The following MYLK4 variants were observed in gnomAD, a reference collection of about 807,000 sequenced individuals.
The protein encoded by MYLK4 is caMLCK like.
A neutral mutation model predicts 48.1 loss-of-function variants in MYLK4; 46 were observed. The observed-to-expected ratio is 0.96, with a 90% CI of 0.75 to 1.22. The LOEUF (loss-of-function observed/expected upper bound fraction) is 1.22. Among genes scored for constraint, MYLK4 ranks in the 50% most tolerant of loss-of-function variants. The pLI is 0.00. For missense variants in MYLK4, 451 were observed against 486.1 expected, an observed-to-expected ratio of 0.93 and a Z score of 0.68; for synonymous variants, 170 against 180.8, an observed-to-expected ratio of 0.94 and a Z score of 0.48.
At position 2,685,360 on chromosome 6, in the gene MYLK4, C is replaced by T. The variant is rs780360412; in HGVS notation, c.481G>A (p.Ala161Thr). Residue 161 changes from alanine (A) to threonine (T), a missense_variant, in exon 6 of 13, where the codon GCG becomes ACG. Ala to Thr is a moderately conservative substitution (Grantham distance 58). Transcript: ENST00000274643. The surrounding 1 kb of genome is among the most constrained non-coding windows in gnomAD (Gnocchi z 4.5). Reference protein sequence around the residue: ...EISVMNQLDHANLIQLYDAFE... With the variant: ...EISVMNQLDHTNLIQLYDAFE... ...GCATCGTACAGCTGGATGAGGTTCG[C>T]GTGGTCCAGCTGGTTCATGACGCTG... is the stretch of plus-strand genomic sequence containing the variant. 17 of 1,588,316 alleles carry T rather than the reference C, an allele frequency of 1.1e-5. No individual in the cohort carries two copies. The East Asian group carries it at 2.3e-4, about 22-fold the overall frequency.
At chr6:2,694,772 T>C (rs930309638) in intron 2 of MYLK4, among the ~76,000 whole-genome samples, 1 of 152,022 alleles carries the variant, frequency 6.6e-6, no homozygotes, top group Admixed American at 6.6e-5. Flanking sequence ...ATAGATACTA[T>C]TAGCCCCATC....
upstream of MYLK4, among the ~76,000 whole-genome samples, chr6:2,753,137 T>C (rs1249246491): frequency 3.3e-5 from 5 of 152,162 alleles, no homozygotes; most frequent in Admixed American, 3.3e-4. Context: ...CTCTAAAAAA[T>C]ACCAACATCA....
the MYLK4 span, chr6:2,768,903 C>T: frequency 3.0e-5 from 48 of 1,589,432 alleles, no homozygotes; most frequent in Middle Eastern, 4.4e-4. Context: ...TTCCTTCTAC[C>T]TTTTGGTCGT....
chr6:2,736,107 G>C (rs1370827261), intron 2 of MYLK4, among the ~76,000 whole-genome samples: 1 of 152,146 alleles, frequency 6.6e-6, no homozygotes. Context: ...TCCCTAAAAT[G>C]TTAATAATGA....
chr6:2,729,956 C>T (rs1763418160), intron 2 of MYLK4, among the ~76,000 whole-genome samples: 1 of 152,258 alleles, frequency 6.6e-6, no homozygotes. Context: ...GCTGGATTTT[C>T]TCCCTAAAGC....
At chr6:2,762,789 T>C in the MYLK4 span, among the ~76,000 whole-genome samples, 2 of 152,192 alleles carry the variant, frequency 1.3e-5, no homozygotes, top group East Asian at 1.9e-4. Context: ...AGAAATCAAC[T>C]GGCAGACCTT....
intron 2 of MYLK4, among the ~76,000 whole-genome samples, chr6:2,733,533 G>A (rs1169186711): frequency 6.6e-6 from 1 of 152,202 alleles, no homozygotes; most frequent in Non-Finnish European, 1.5e-5. Context: ...CACTCACAGA[G>A]AAGGAAGCCT....
chr6:2,728,769 C>T (rs1458640986), intron 2 of MYLK4, among the ~76,000 whole-genome samples: 1 of 152,226 alleles, frequency 6.6e-6, no homozygotes, highest in African/African-American at 2.4e-5. Context: ...TTGACTTGAT[C>T]TGTCAAACCA....
intron 12 of MYLK4, among the ~76,000 whole-genome samples, chr6:2,668,322 G>A (rs1196335340): frequency 1.3e-5 from 2 of 152,164 alleles, no homozygotes; most frequent in African/African-American, 4.8e-5. Context: ...AGGTTTCCAT[G>A]TGCTTTATGA....
chr6:2,767,481 C>T, the MYLK4 span, among the ~76,000 whole-genome samples: 2 of 152,224 alleles, frequency 1.3e-5, no homozygotes, highest in Non-Finnish European at 2.9e-5. Flanking sequence ...ACTCCAGTTC[C>T]TGGAATGAAT....
At chr6:2,678,135 A>C in intron 10 of MYLK4, 85 bp downstream of exon 10, 1 of 1,489,176 alleles carries the variant, frequency 6.7e-7, no homozygotes, top group Non-Finnish European at 9.1e-7. Flanking sequence ...TGTTAGTAAG[A>C]GAATAAATTC....
At chr6:2,683,401 G>T (rs534925941) in intron 6 of MYLK4, among the ~76,000 whole-genome samples, 28,318 of 123,022 alleles carry the variant, frequency 0.23, 4,720 homozygotes, top group East Asian at 0.39. Flanking sequence ...TTGTGTGTGT[G>T]TGTGTGTGTG....
the MYLK4 span, among the ~76,000 whole-genome samples, chr6:2,764,748 G>GCC: frequency 6.6e-6 from 1 of 152,150 alleles, no homozygotes; most frequent in Admixed American, 6.5e-5. Context: ...CCCGCGAGAA[G>GCC]CATCTCTTGG....
At chr6:2,766,498 G>C in the MYLK4 span, 2 of 1,448,556 alleles carry the variant, frequency 1.4e-6, no homozygotes, top group Admixed American at 2.4e-5. Context: ...GGTGGATGCA[G>C]CTGATGGTCG....
chr6:2,749,387 T>A lies in MYLK4; in HGVS notation c.-93A>T. On this transcript the variant is annotated 5_prime_UTR_variant, in exon 2 of 13. Coordinates refer to ENST00000274643, the MANE Select transcript of MYLK4 (RefSeq NM_001012418.5). ...TAAATCAGGACACAATTATGACTCTTCAGTGCTTCTTTCTCTTGACTGCAA... is the reference window on the plus strand; with the variant it reads ...TAAATCAGGACACAATTATGACTCTACAGTGCTTCTTTCTCTTGACTGCAA... 1 of 945,224 alleles carries A rather than the reference T, an allele frequency of 1.1e-6. No individual in the cohort carries two copies. The highest frequency in any genetic ancestry group is 1.6e-6 in the Non-Finnish European group (1 of 637,310). 58.6% of individuals were successfully genotyped at this position (945,224 alleles called of 1,614,324 possible).
chr6:2,741,616 T>C (rs1763903641), intron 2 of MYLK4, among the ~76,000 whole-genome samples: 1 of 152,236 alleles, frequency 6.6e-6, no homozygotes, highest in African/African-American at 2.4e-5. Context: ...CTGATACCTC[T>C]AGAAAAGACA....
intron 2 of MYLK4, among the ~76,000 whole-genome samples, chr6:2,741,336 A>T (rs1040763860): frequency 5.3e-5 from 8 of 152,180 alleles, no homozygotes; most frequent in Non-Finnish European, 1.2e-4. Context: ...CCACATTTGT[A>T]TTTTTGACGA....
upstream of MYLK4, among the ~76,000 whole-genome samples, chr6:2,752,943 A>G (rs1367734849): frequency 6.6e-6 from 1 of 152,166 alleles, no homozygotes; most frequent in African/African-American, 2.4e-5. Context: ...TTGACCACAA[A>G]AAAACAGGTT....
chr6:2,765,461 G>A, the MYLK4 span: 1 of 863,048 alleles, frequency 1.2e-6, no homozygotes, highest in African/African-American at 1.8e-5. Flanking sequence ...CGGGAGCTGC[G>A]GACGTGAGGC....
Sources: gnomAD v4.1 joint callset for allele counts (sites outside exome capture counted in the v4.1 genomes callset) on GRCh38, gnomAD v4.1.1 for gene constraint, Gnocchi (gnomAD v3.1) non-coding constraint, MANE v1.5 for transcripts, NCBI Gene and HGNC (gene_info 2026-07-23, HGNC 2026-07-21) for gene names.